The following TCERG1L variants were observed in gnomAD, a reference collection of about 807,000 sequenced individuals.
TCERG1L encodes the protein transcription elongation regulator 1-like protein.
Under a neutral mutation model 56.3 loss-of-function variants are expected in TCERG1L, and 37 were observed. The ratio of observed to expected loss-of-function variants is 0.66; its 90% confidence interval spans 0.51 to 0.87. The LOEUF is 0.87. TCERG1L is among the 40% of genes least tolerant of loss of function. The probability of loss-of-function intolerance (pLI) is 0.00; values close to 1 mark genes in which losing one functional copy is unlikely to be tolerated. For synonymous variants in TCERG1L, 324 were observed against 326.3 expected (o/e 0.99, Z 0.08); for missense variants, 799 against 774.2 (o/e 1.03, Z -0.38).
Position 131,311,567 on chromosome 10 carries a change from C to T in TCERG1L, c.69G>A (p.Gln23=), listed in dbSNP as rs1192270287. The change falls in exon 1 of 12, where the codon CAG becomes CAA. Residue 23 remains glutamine, a synonymous_variant. Coordinates refer to ENST00000368642, the MANE Select transcript of TCERG1L (RefSeq NM_174937.4). The surrounding 1 kb of genome is among the most constrained non-coding windows in gnomAD (Gnocchi z 4.0). The part of the protein sequence containing the change: ...QLQQQQPRRR[Q]PLLWPMDAEP... ...CTGCGTCCATCGGCCAGAGGAGAGGCTGCCGCCGCCGGGGCTGCTGCTGCT... is the reference window on the plus strand; with the variant it reads ...CTGCGTCCATCGGCCAGAGGAGAGGTTGCCGCCGCCGGGGCTGCTGCTGCT... 8.6e-7 allele frequency: 1 copy of T among 1,159,450 alleles called. No homozygotes were observed. Among genetic ancestry groups the T allele is most frequent in the East Asian group, 4.1e-5 (1 of 24,666 alleles). 71.8% of individuals were successfully genotyped at this position (1,159,450 alleles called of 1,614,324 possible). A position where few individuals can be genotyped will look rare whatever the true frequency, so the allele number is the denominator to read the frequency against.
At chr10:131,240,910 G>T (rs751079604) in intron 4 of TCERG1L, among the ~76,000 whole-genome samples, 23 of 152,350 alleles carry the variant, frequency 1.5e-4, no homozygotes, top group African/African-American at 4.6e-4. Context: ...GGGCTGCAGC[G>T]GCATCAGGGC....
chr10:131,301,874 C>T (rs1277532516), intron 3 of TCERG1L, among the ~76,000 whole-genome samples: 3 of 151,998 alleles, frequency 2.0e-5, no homozygotes, highest in East Asian at 3.8e-4. Context: ...TATAAAGATG[C>T]TAAACTTCGT....
chr10:131,212,579 T>G (rs1477908290), intron 4 of TCERG1L, among the ~76,000 whole-genome samples: 2 of 152,214 alleles, frequency 1.3e-5, no homozygotes, highest in African/African-American at 4.8e-5. Flanking sequence ...TCCAGGTGAT[T>G]TTACAAATAT....
intron 3 of TCERG1L, among the ~76,000 whole-genome samples, chr10:131,276,544 G>GCA (rs1433623793): frequency 6.6e-6 from 1 of 152,188 alleles, no homozygotes; most frequent in Non-Finnish European, 1.5e-5. Flanking sequence ...CAGTAACAGA[G>GCA]CACAGGAAAT....
chr10:131,250,665 C>T (rs1018992250), intron 4 of TCERG1L, among the ~76,000 whole-genome samples: 1 of 152,164 alleles, frequency 6.6e-6, no homozygotes, highest in Admixed American at 6.5e-5. Context: ...GCAGTGCCTG[C>T]CCGGGGCCTG....
chr10:131,250,605 T>C (rs1846099315), intron 4 of TCERG1L, among the ~76,000 whole-genome samples: 1 of 152,050 alleles, frequency 6.6e-6, no homozygotes, highest in Non-Finnish European at 1.5e-5. Context: ...TAGATGTGAG[T>C]GGAGCCAGTC....
At chr10:131,136,414 T>C (rs977521031) in intron 7 of TCERG1L, among the ~76,000 whole-genome samples, 1 of 152,088 alleles carries the variant, frequency 6.6e-6, no homozygotes, top group African/African-American at 2.4e-5. Context: ...TTCTACGTCA[T>C]GTTCTTGAGA....
At chr10:131,137,942 TCAGA>T (rs1360035945) in intron 7 of TCERG1L, among the ~76,000 whole-genome samples, 1 of 152,108 alleles carries the variant, frequency 6.6e-6, no homozygotes, top group Non-Finnish European at 1.5e-5. Flanking sequence ...TGGAAGCAGA[TCAGA>T]CACTTACAAC....
chr10:131,226,955 C>T (rs930518166), intron 4 of TCERG1L, among the ~76,000 whole-genome samples: 3 of 152,256 alleles, frequency 2.0e-5, no homozygotes, highest in Non-Finnish European at 4.4e-5. Context: ...TGTCAGCTCC[C>T]GCAGCACGAG....
At chr10:131,150,176 C>T (rs1845847645) in intron 6 of TCERG1L, among the ~76,000 whole-genome samples, 1 of 47,126 alleles carries the variant, frequency 2.1e-5, no homozygotes, top group Admixed American at 2.2e-4. Context: ...AGAACAACTT[C>T]CTGTGACCTG....
chr10:131,311,429 G>C lies in TCERG1L; in HGVS notation c.207C>G (p.Pro69=). The change falls in exon 1 of 12, where the codon CCC becomes CCG. Residue 69 remains proline, a synonymous_variant. Transcript: ENST00000368642. This position sits in a 1 kb window ranked among gnomAD's most constrained non-coding sequence, Gnocchi z 4.0. ...PPVLLASAPP[P]AAPLLPGLPG... is the part of the protein sequence containing the mutation. ...GGAGACCGGGGAGCAGCGGGGCCGC[G>C]GGCGGCGGGGCCGAGGCGAGCAGCA... 9 of 1,177,252 alleles carry C rather than the reference G, an allele frequency of 7.6e-6. No individual in the cohort carries two copies. The highest frequency in any genetic ancestry group is 8.4e-6 in the Non-Finnish European group (8 of 954,462). 72.9% of individuals were successfully genotyped at this position (1,177,252 alleles called of 1,614,324 possible).
At chr10:131,248,171 A>C (rs1325216941) in intron 4 of TCERG1L, among the ~76,000 whole-genome samples, 9 of 151,012 alleles carry the variant, frequency 6.0e-5, no homozygotes, top group Admixed American at 6.0e-4. Flanking sequence ...ACACCCACAC[A>C]CCCACATGAC....
chr10:131,187,425 G>A (rs552477834), intron 4 of TCERG1L, among the ~76,000 whole-genome samples: 67 of 152,256 alleles, frequency 4.4e-4, no homozygotes, highest in South Asian at 1.7e-3. Flanking sequence ...GGGTGTCCAG[G>A]TGGCCCAGCA....
intron 5 of TCERG1L, among the ~76,000 whole-genome samples, chr10:131,165,365 T>C (rs1846019873): frequency 6.6e-6 from 1 of 152,218 alleles, no homozygotes; most frequent in Non-Finnish European, 1.5e-5. Context: ...GGTGGTCTCT[T>C]TACGTATGTT....
intron 4 of TCERG1L, among the ~76,000 whole-genome samples, chr10:131,194,408 C>A (rs1292888859): frequency 6.6e-6 from 1 of 152,186 alleles, no homozygotes; most frequent in Non-Finnish European, 1.5e-5. Context: ...AGTGCCTAGT[C>A]CTTTTGGACT....
At chr10:131,099,822 T>G (rs1386558237) in intron 10 of TCERG1L, among the ~76,000 whole-genome samples, 3 of 152,186 alleles carry the variant, frequency 2.0e-5, no homozygotes, top group Admixed American at 2.0e-4. Flanking sequence ...TGAGAATATG[T>G]GCATGTATAT....
chr10:131,302,366 A>AT (rs1846772507), intron 3 of TCERG1L, among the ~76,000 whole-genome samples: 2 of 148,998 alleles, frequency 1.3e-5, no homozygotes, highest in Admixed American at 1.3e-4. Flanking sequence ...GGAGATATAT[A>AT]TTTTTTCTTT....
At chr10:131,189,227 A>T (rs1845280352) in intron 4 of TCERG1L, among the ~76,000 whole-genome samples, 1 of 152,168 alleles carries the variant, frequency 6.6e-6, no homozygotes. Context: ...CAATTTTATG[A>T]CATGCATAGA....
intron 4 of TCERG1L, among the ~76,000 whole-genome samples, chr10:131,181,988 G>A (rs1845183389): frequency 6.6e-6 from 1 of 152,226 alleles, no homozygotes; most frequent in Admixed American, 6.5e-5. Flanking sequence ...CAATGTATCT[G>A]TGTGTGTGCA....
Sources: allele counts gnomAD v4.1 joint callset (sites outside exome capture counted in the v4.1 genomes callset), GRCh38; gene constraint gnomAD v4.1.1; non-coding constraint Gnocchi (gnomAD v3.1); transcripts MANE v1.5; gene names NCBI Gene and HGNC (gene_info 2026-07-23, HGNC 2026-07-21).